Variants in MTERF4 observed in about 807,000 individuals in gnomAD.
The protein encoded by MTERF4 is transcription termination factor 4, mitochondrial.
Under a neutral mutation model 22.5 loss-of-function variants are expected in MTERF4, and 17 were observed. That is an observed-to-expected ratio of 0.75 (90% CI 0.52 to 1.13). The LOEUF (loss-of-function observed/expected upper bound fraction) is 1.13. MTERF4 is among the 50% of genes most tolerant of loss of function. The probability of loss-of-function intolerance (pLI) is 0.00; values close to 1 mark genes in which losing one functional copy is unlikely to be tolerated. For missense variants in MTERF4, 420 were observed against 466.8 expected, an observed-to-expected ratio of 0.90 and a Z score of 0.92; for synonymous variants, 165 against 175.3, an observed-to-expected ratio of 0.94 and a Z score of 0.47.
At chr2:241,078,382 CAAAA>C (rs60965517) in intron 4 of MTERF4, among the ~76,000 whole-genome samples, 15 of 116,172 alleles carry the variant, frequency 1.3e-4, no homozygotes, top group East Asian at 9.6e-4. Flanking sequence ...GACTCCGTCT[CAAAA>C]AAAAAAAAAA....
At chr2:241,066,086 G>C in the MTERF4 span, among the ~76,000 whole-genome samples, 4 of 152,170 alleles carry the variant, frequency 2.6e-5, no homozygotes, top group African/African-American at 4.8e-5. Context: ...AGAGCCGTGG[G>C]GCAGGCCCTA....
chr2:241,065,508 G>A, the MTERF4 span: 1 of 1,612,792 alleles, frequency 6.2e-7, no homozygotes, highest in Admixed American at 1.7e-5. Context: ...GGCCGGCAGG[G>A]CCTACAACAT....
chr2:241,087,538 G>A (rs2063644843), downstream of MTERF4: 1 of 1,536,400 alleles, frequency 6.5e-7, no homozygotes, highest in Admixed American at 2.1e-5. Flanking sequence ...ATGGGGCAAG[G>A]GCGGGGTGCT....
At chr2:241,062,044 AAT>A in the MTERF4 span, among the ~76,000 whole-genome samples, 1 of 152,206 alleles carries the variant, frequency 6.6e-6, no homozygotes, top group Non-Finnish European at 1.5e-5. Flanking sequence ...GAGAGAAGAC[AAT>A]ATATATCATG....
downstream of MTERF4, chr2:241,072,030 G>A (rs566662507): frequency 2.8e-4 from 210 of 758,120 alleles, no homozygotes; most frequent in Admixed American, 4.4e-4. Flanking sequence ...CACAAGGCGC[G>A]GGGCTCGTGG....
downstream of MTERF4, among the ~76,000 whole-genome samples, chr2:241,084,579 AATT>A (rs1435656773): frequency 6.6e-6 from 1 of 152,298 alleles, no homozygotes; most frequent in Non-Finnish European, 1.5e-5. Context: ...CCATCCTTTG[AATT>A]ATTATCAGAC....
chr2:241,094,453 T>C, downstream of MTERF4: 1 of 469,552 alleles, frequency 2.1e-6, no homozygotes, highest in Non-Finnish European at 4.4e-6. This position sits in a 1 kb window ranked among gnomAD's most constrained non-coding sequence, Gnocchi z 4.3. Flanking sequence ...CAAAAGCACC[T>C]AGATTTCAGT....
downstream of MTERF4, among the ~76,000 whole-genome samples, chr2:241,091,232 C>T (rs2063958484): frequency 6.6e-6 from 1 of 152,214 alleles, no homozygotes; most frequent in African/African-American, 2.4e-5. The surrounding 1 kb of genome is among the most constrained non-coding windows in gnomAD (Gnocchi z 4.1). Flanking sequence ...CCAAGAACAA[C>T]ACGAGAATTC....
chr2:241,067,069 C>T, the MTERF4 span, among the ~76,000 whole-genome samples: 39 of 152,230 alleles, frequency 2.6e-4, no homozygotes, highest in Non-Finnish European at 4.4e-4. Flanking sequence ...CCTGCAAGGC[C>T]GCCCCATGTG....
At chr2:241,057,370 T>G in the MTERF4 span, among the ~76,000 whole-genome samples, 2 of 116,920 alleles carry the variant, frequency 1.7e-5, no homozygotes. Flanking sequence ...CGAGCAAAAC[T>G]CCATCTCAAA....
downstream of MTERF4, chr2:241,087,180 A>C: frequency 3.6e-6 from 2 of 549,426 alleles, no homozygotes; most frequent in Non-Finnish European, 6.5e-6. Context: ...TATTTTATGC[A>C]TATTACTGTA....
At chr2:241,053,595 A>T in the MTERF4 span, among the ~76,000 whole-genome samples, 5 of 152,016 alleles carry the variant, frequency 3.3e-5, no homozygotes, top group Non-Finnish European at 7.4e-5. Flanking sequence ...CCAAATACCC[A>T]CTCTGCAGAT....
the MTERF4 span, among the ~76,000 whole-genome samples, chr2:241,057,377 C>CAAAAAAAAAA: frequency 2.7e-5 from 2 of 75,120 alleles, no homozygotes; most frequent in African/African-American, 1.8e-4. Context: ...AACTCCATCT[C>CAAAAAAAAAA]AAAATATATA....
the MTERF4 span, chr2:241,048,377 G>C: frequency 1.2e-6 from 2 of 1,612,092 alleles, no homozygotes; most frequent in Non-Finnish European, 1.7e-6. Flanking sequence ...CACCTGTGTG[G>C]ATGCGGACCA....
At chr2:241,060,187 C>CTTT in the MTERF4 span, among the ~76,000 whole-genome samples, 3 of 144,752 alleles carry the variant, frequency 2.1e-5, no homozygotes, top group African/African-American at 5.1e-5. Context: ...AAACTATAAA[C>CTTT]TTTTTTTTTT....
Position 241,072,188 on chromosome 2 carries a change from A to C in MTERF4, n.3974T>G, listed in dbSNP as rs1254975689. Reference sequence around the variant, plus strand: ...AGGTCTGAGACATTACAGCAGCTTTATTTGCCAAAGTAGGGCTCTGAGCTT... The same window carrying C: ...AGGTCTGAGACATTACAGCAGCTTTCTTTGCCAAAGTAGGGCTCTGAGCTT... On this transcript the variant is annotated non_coding_transcript_exon_variant, in exon 5 of 5. Coordinates refer to the MTERF4 transcript ENST00000464344. The C allele has an allele frequency of 6.5e-6, 4 of 611,220 alleles. No individual in the cohort carries two copies. The Admixed American group carries it at 8.5e-5, about 13-fold the overall frequency. The allele number at this position is 611,220 out of a possible 1,614,324, so 37.9% of individuals were successfully genotyped here. A position where few individuals can be genotyped will look rare whatever the true frequency, so the allele number is the denominator to read the frequency against.
the MTERF4 span, chr2:241,052,305 C>G: frequency 6.6e-7 from 1 of 1,513,600 alleles, no homozygotes; most frequent in Non-Finnish European, 9.0e-7. Flanking sequence ...CACACAGTCC[C>G]GAGCCTTCAG....
chr2:241,050,912 C>T, the MTERF4 span, among the ~76,000 whole-genome samples: 3 of 152,222 alleles, frequency 2.0e-5, no homozygotes, highest in Admixed American at 6.5e-5. Context: ...GTTCTGTGCC[C>T]GCCCCAGGAA....
chr2:241,101,177 C>A (rs1334168647), intron 1 of MTERF4: 1 of 466,506 alleles, frequency 2.1e-6, no homozygotes, highest in African/African-American at 2.0e-5. Context: ...AATGTAGAAT[C>A]ACTGGGAGCC....
Sources: allele counts gnomAD v4.1 joint callset (sites outside exome capture counted in the v4.1 genomes callset), GRCh38; gene constraint gnomAD v4.1.1; non-coding constraint Gnocchi (gnomAD v3.1); transcripts MANE v1.5; gene names NCBI Gene and HGNC (gene_info 2026-07-23, HGNC 2026-07-21).